USP40: variants seen among roughly 807,000 people sequenced by gnomAD.
USP40 encodes the protein ubiquitin carboxyl-terminal hydrolase 40.
USP40 carries 143 observed loss-of-function variants against 166.2 expected under a neutral mutation model. That is an observed-to-expected ratio of 0.86 (90% CI 0.75 to 0.99). The LOEUF is 0.99. USP40 is among the 50% of genes least tolerant of loss of function. The pLI, the probability that USP40 is intolerant of heterozygous loss-of-function variation, is 0.00. For missense variants in USP40, 1,444 were observed against 1,479.7 expected (o/e 0.98, Z 0.40); for synonymous variants, 498 against 524.0 (o/e 0.95, Z 0.68).
chr2:233,502,554 C>T lies in USP40; in HGVS notation c.2614-2639G>A, dbSNP rs557517934. On this transcript the variant is annotated intron_variant, in intron 21 of 31. Transcript: ENST00000678225. The stretch of plus-strand genomic sequence containing the variant: ...AGTGGCCCTGCCTCCCCAGAGAGAG[C>T]GCTGCACAGCTGCCTGACCCACACA... Among the ~76,000 whole-genome samples, 205 of 152,204 alleles carry T rather than the reference C, an allele frequency of 1.3e-3. 1 individual carries two copies. The highest frequency in any genetic ancestry group is 4.5e-3 in the African/African-American group (186 of 41,520).
chr2:233,549,355 G>T, intron 7 of USP40, 126 bp from the exon 8 acceptor site: 1 of 669,054 alleles, frequency 1.5e-6, no homozygotes, highest in East Asian at 3.1e-5. Context: ...TAAGAGTAAA[G>T]ATGAATTCAA....
At chr2:233,520,107 A>G (rs2067550679) in intron 17 of USP40, among the ~76,000 whole-genome samples, 1 of 152,180 alleles carries the variant, frequency 6.6e-6, no homozygotes, top group Non-Finnish European at 1.5e-5. Flanking sequence ...GCCCGAGTGC[A>G]CTATTTAAAA....
chr2:233,479,519 T>C (rs1387548679), intron 31 of USP40, among the ~76,000 whole-genome samples: 1 of 149,240 alleles, frequency 6.7e-6, no homozygotes, highest in Non-Finnish European at 1.5e-5. Context: ...GTTGAGATCG[T>C]GCCACTGCAC....
chr2:233,522,920 C>A (rs1037366504), intron 16 of USP40, among the ~76,000 whole-genome samples: 1 of 152,216 alleles, frequency 6.6e-6, no homozygotes, highest in Admixed American at 6.5e-5. Flanking sequence ...ATACTCTATA[C>A]AGTCTAGAAA....
chr2:233,535,463 A>G (rs1050106360), intron 10 of USP40, among the ~76,000 whole-genome samples: 4 of 152,222 alleles, frequency 2.6e-5, no homozygotes, highest in African/African-American at 4.8e-5. Flanking sequence ...GCTCAAGACT[A>G]TAAGAACAGG....
chr2:233,477,431 C>T lies in USP40; in HGVS notation c.3672G>A (p.Pro1224=), dbSNP rs761693987. 98 of 1,613,588 alleles carry T rather than the reference C, an allele frequency of 6.1e-5. No homozygotes were observed. The South Asian group carries it at 6.6e-4, about 11-fold the overall frequency. The change falls in exon 32 of 32, where the codon CCG becomes CCA. Residue 1224 remains proline, a synonymous_variant. Transcript: ENST00000678225. Reference sequence around the variant, plus strand: ...CCACGTGGATGGAGAGAGAAGTTTCCGGGGCTCGGGGCCGGGCAGGCGTCT... The same window carrying T: ...CCACGTGGATGGAGAGAGAAGTTTCTGGGGCTCGGGGCCGGGCAGGCGTCT... ...SAETPARPRA[P]ETSLSIHVGS... is the part of the protein sequence containing the mutation.
rs186491140 is a variant in USP40, at chr2:233,553,815, A to G, written c.693+565T>C. Among the ~76,000 whole-genome samples, 318 of 143,346 alleles carry G rather than the reference A, an allele frequency of 2.2e-3. 1 individual carries two copies. Among genetic ancestry groups the G allele is most frequent in the Middle Eastern group, 7.1e-3 (2 of 280 alleles). The allele number at this position is 143,346 out of a possible 152,430, so 94.0% of individuals were successfully genotyped here. A position where few individuals can be genotyped will look rare whatever the true frequency, so the allele number is the denominator to read the frequency against. On this transcript the variant is annotated intron_variant, in intron 6 of 31. Transcript: ENST00000678225. ...TTTCCCTCTTAGCTCTCACATGGCAAAAGATATCAGTTGCTTCAGTCCTGA... is the reference window on the plus strand; with the variant it reads ...TTTCCCTCTTAGCTCTCACATGGCAGAAGATATCAGTTGCTTCAGTCCTGA...
At chr2:233,513,096 C>T (rs191033737) in intron 18 of USP40, among the ~76,000 whole-genome samples, 1 of 152,282 alleles carries the variant, frequency 6.6e-6, no homozygotes, top group East Asian at 1.9e-4. Flanking sequence ...TTGTAAATTA[C>T]ATATAAAGAG....
At position 233,480,258 on chromosome 2, in the gene USP40, G is replaced by A. The variant is rs1280373275; in HGVS notation, c.3599+945C>T. On this transcript the variant is annotated intron_variant, in intron 31 of 31. Transcript: ENST00000678225. The surrounding 1 kb of genome is among the most constrained non-coding windows in gnomAD (Gnocchi z 4.5). The stretch of plus-strand genomic sequence containing the variant: ...GATTAGGGTGAGCGGGGCCAGATCA[G>A]GCTCCTACAGTCATTTGGGCAGGGA... Among the ~76,000 whole-genome samples the A allele has an allele frequency of 6.6e-6, 1 of 152,192 alleles. No homozygotes were observed. The highest frequency in any genetic ancestry group is 1.9e-4 in the East Asian group (1 of 5,180).
intron 10 of USP40, among the ~76,000 whole-genome samples, chr2:233,537,226 G>C (rs1312417940): frequency 6.6e-6 from 1 of 152,122 alleles, no homozygotes; most frequent in Non-Finnish European, 1.5e-5. Context: ...TTAAAGAATA[G>C]AGGAGGATGT....
chr2:233,558,718 A>G (rs2071317383), intron 4 of USP40, among the ~76,000 whole-genome samples: 1 of 152,250 alleles, frequency 6.6e-6, no homozygotes, highest in Non-Finnish European at 1.5e-5. Context: ...TATGCTAGAA[A>G]GCACCACTGA....
intron 27 of USP40, among the ~76,000 whole-genome samples, 198 bp from the exon 28 acceptor site, chr2:233,488,502 T>A (rs984656431): frequency 2.6e-5 from 4 of 152,242 alleles, no homozygotes; most frequent in Non-Finnish European, 1.5e-5. Context: ...AGTCATTTCT[T>A]ACTAAACATG....
intron 6 of USP40, among the ~76,000 whole-genome samples, chr2:233,552,725 A>T (rs945927355): frequency 6.6e-6 from 1 of 152,210 alleles, no homozygotes; most frequent in African/African-American, 2.4e-5. Flanking sequence ...ATAAAATTCA[A>T]TCTTCCCGTG....
At chr2:233,478,155 C>A (rs1315146931) in intron 31 of USP40, among the ~76,000 whole-genome samples, 1 of 152,248 alleles carries the variant, frequency 6.6e-6, no homozygotes, top group African/African-American at 2.4e-5. Flanking sequence ...AATGAAGCTG[C>A]CTTGTAATTT....
chr2:233,479,057 G>A (rs545506711), intron 31 of USP40, among the ~76,000 whole-genome samples: 1 of 152,338 alleles, frequency 6.6e-6, no homozygotes, highest in South Asian at 2.1e-4. Flanking sequence ...GTCTACTGTT[G>A]TGCAAACAGC....
rs555107920 is a variant in USP40 at position 233,525,448 on chromosome 2, T to C, written c.1810+30A>G. 2.6e-6 allele frequency: 4 copies of C among 1,555,234 alleles called. No homozygotes were observed. In the African/African-American group the frequency reaches 4.1e-5, roughly 16 times the overall value. ...CGGACAAAAATGTAGATATATAGAG[T>C]GAGTTGCTATGTTTTCATATTTATC... is the stretch of plus-strand genomic sequence containing the variant. On this transcript the variant is annotated intron_variant, in intron 14 of 31. Transcript: ENST00000678225.
rs1052543286 is a variant in USP40 at position 233,485,704 on chromosome 2, T to C, written c.3408+63A>G. 2.3e-5 allele frequency: 37 copies of C among 1,601,886 alleles called. No individual in the cohort carries two copies. The African/African-American group carries it at 2.9e-4, about 13-fold the overall frequency. ...CTAACTTCTCTATCACTGTGAAAAATTGCATAACCTCATTGCTATGCCGGT... is the reference window on the plus strand; with the variant it reads ...CTAACTTCTCTATCACTGTGAAAAACTGCATAACCTCATTGCTATGCCGGT... On this transcript the variant is annotated intron_variant, in intron 29 of 31. Coordinates refer to ENST00000678225, the MANE Select transcript of USP40 (RefSeq NM_001365479.2).
At chr2:233,549,641 T>TC (rs898695705) in intron 7 of USP40, among the ~76,000 whole-genome samples, 2 of 46,280 alleles carry the variant, frequency 4.3e-5, no homozygotes, top group Non-Finnish European at 8.1e-5. Context: ...TTAAAATGCA[T>TC]CCCCTTTTTT....
chr2:233,498,659 A>AG, intron 22 of USP40, 47 bp from the exon 23 acceptor site: 1 of 1,512,426 alleles, frequency 6.6e-7, no homozygotes, highest in Non-Finnish European at 9.1e-7. Context: ...AAGTTAGGTG[A>AG]GACGTTGCGT....
Sources: allele counts gnomAD v4.1 joint callset (sites outside exome capture counted in the v4.1 genomes callset), GRCh38; gene constraint gnomAD v4.1.1; non-coding constraint Gnocchi (gnomAD v3.1); transcripts MANE v1.5; gene names NCBI Gene and HGNC (gene_info 2026-07-23, HGNC 2026-07-21).